The following ABCD3 variants were observed in gnomAD, a reference collection of about 807,000 sequenced individuals.
ABCD3 encodes the protein ATP binding cassette subfamily D member 3, also known as ATP-binding cassette sub-family D member 3.
A neutral mutation model predicts 105.5 loss-of-function variants in ABCD3; 41 were observed. The observed-to-expected ratio is 0.39, with a 90% CI of 0.30 to 0.50. The LOEUF is 0.50. ABCD3 is among the 20% of genes least tolerant of loss of function. The pLI is 0.84. For synonymous variants in ABCD3, 258 were observed against 269.0 expected (o/e 0.96, Z 0.40); for missense variants, 622 against 806.3 (o/e 0.77, Z 2.77).
chr1:94,510,339 A>C (rs1298930830), intron 21 of ABCD3, among the ~76,000 whole-genome samples: 1 of 152,088 alleles, frequency 6.6e-6, no homozygotes, highest in Admixed American at 6.6e-5. Context: ...GTTTGATTGC[A>C]CTGTGGTCTG....
chr1:94,415,485 C>T (rs1464223384), upstream of ABCD3, among the ~76,000 whole-genome samples: 1 of 152,148 alleles, frequency 6.6e-6, no homozygotes, highest in Non-Finnish European at 1.5e-5. Context: ...TATCAAAGGA[C>T]ATAGTGCTGA....
At chr1:94,418,688 G>A in intron 1 of ABCD3, 100 bp downstream of exon 1, 1 of 1,320,494 alleles carries the variant, frequency 7.6e-7, no homozygotes, top group Non-Finnish European at 1.0e-6. Flanking sequence ...TGCCCGACGG[G>A]GTCGGGCGGA....
chr1:94,513,367 A>G (rs1250830626), intron 21 of ABCD3: 1 of 152,068 alleles, frequency 6.6e-6, no homozygotes, highest in Admixed American at 6.6e-5. Context: ...AAGTCCCCAC[A>G]TAAGACTGTA....
At chr1:94,473,519 A>G (rs975085145) in intron 4 of ABCD3, among the ~76,000 whole-genome samples, 2 of 152,126 alleles carry the variant, frequency 1.3e-5, no homozygotes, top group Non-Finnish European at 2.9e-5. Context: ...CATTTTTACT[A>G]AGAAATAATT....
At chr1:94,423,145 A>G (rs77604519) in intron 1 of ABCD3, among the ~76,000 whole-genome samples, 5 of 152,204 alleles carry the variant, frequency 3.3e-5, no homozygotes, top group Admixed American at 6.5e-5. Flanking sequence ...ATATCTTTCT[A>G]TGATATCCCT....
At chr1:94,510,849 T>C (rs1360425068) in intron 21 of ABCD3, among the ~76,000 whole-genome samples, 1 of 152,124 alleles carries the variant, frequency 6.6e-6, no homozygotes, top group Admixed American at 6.6e-5. Context: ...GCTTGGTAGA[T>C]CTTCCTCCAT....
At position 94,434,856 on chromosome 1, in the gene ABCD3, CTTT is replaced by C. The variant is rs1167496946; in HGVS notation, c.110+16269_110+16271del. ...ACATGGCCCTTCCCAGTCACAGCCC[CTTT>C]CCTCTCACCTAAAAGTAATTGCTAT... On this transcript the variant is annotated intron_variant, in intron 1 of 22. Transcript: ENST00000370214. 2.5e-4 allele frequency among the ~76,000 whole-genome samples: 38 copies of C among 152,308 alleles called. No individual in the cohort carries two copies. The East Asian group carries it at 7.3e-3, about 29-fold the overall frequency.
intron 1 of ABCD3, among the ~76,000 whole-genome samples, chr1:94,426,135 T>C (rs1227933937): frequency 6.6e-6 from 1 of 152,214 alleles, no homozygotes; most frequent in Non-Finnish European, 1.5e-5. Context: ...CGAGCCTTCC[T>C]AATTTCCTCA....
intron 2 of ABCD3, among the ~76,000 whole-genome samples, chr1:94,463,654 A>G (rs1647989907): frequency 6.6e-6 from 1 of 152,154 alleles, no homozygotes; most frequent in Non-Finnish European, 1.5e-5. Context: ...CTGTCCTTCC[A>G]AACAGTCCAA....
Position 94,482,637 on chromosome 1 carries a change from C to G in ABCD3, c.828-533C>G, listed in dbSNP as rs151152596. On this transcript the variant is annotated intron_variant, in intron 9 of 22. Transcript: ENST00000370214. ...GACCCATGCACATCTGCTCAGGAAACGTGGAATTGTTGTGAGGATATGATG... is the reference window on the plus strand; with the variant it reads ...GACCCATGCACATCTGCTCAGGAAAGGTGGAATTGTTGTGAGGATATGATG... The G allele has an allele frequency of 2.2e-3, 353 of 157,328 alleles. 3 individuals carry two copies. The highest frequency in any genetic ancestry group is 7.8e-3 in the African/African-American group (326 of 41,566). The allele number at this position is 157,328 out of a possible 1,614,324, so 9.7% of individuals were successfully genotyped here. A position where few individuals can be genotyped will look rare whatever the true frequency, so the allele number is the denominator to read the frequency against.
the ABCD3 span, among the ~76,000 whole-genome samples, chr1:94,386,565 C>A: frequency 6.6e-6 from 1 of 152,198 alleles, no homozygotes; most frequent in African/African-American, 2.4e-5. Context: ...AGATACATAA[C>A]AATATCACAA....
intron 21 of ABCD3, among the ~76,000 whole-genome samples, chr1:94,513,060 G>A (rs1189598954): frequency 1.3e-5 from 2 of 151,940 alleles, no homozygotes; most frequent in African/African-American, 2.4e-5. Context: ...ATTCAAATGC[G>A]CATTAAAGTT....
chr1:94,418,359 T>C, upstream of ABCD3: 1 of 866,878 alleles, frequency 1.2e-6, no homozygotes, highest in Non-Finnish European at 1.8e-6. Flanking sequence ...GGGGCGGTCC[T>C]GCGCGGCCGG....
At chr1:94,438,784 T>G (rs1377729162) in intron 1 of ABCD3, among the ~76,000 whole-genome samples, 1 of 152,224 alleles carries the variant, frequency 6.6e-6, no homozygotes, top group East Asian at 1.9e-4. Flanking sequence ...CATTGATTTT[T>G]TTTTTAGACG....
the ABCD3 span, among the ~76,000 whole-genome samples, chr1:94,393,098 T>A: frequency 6.6e-6 from 1 of 151,012 alleles, no homozygotes; most frequent in African/African-American, 2.4e-5. Flanking sequence ...AGATCGAGAC[T>A]CCATCTCAAA....
At chr1:94,403,928 C>G in the ABCD3 span, among the ~76,000 whole-genome samples, 2 of 152,134 alleles carry the variant, frequency 1.3e-5, no homozygotes, top group African/African-American at 4.8e-5. Context: ...TCATTGCTAC[C>G]AGACTTTGTT....
chr1:94,396,689 CAT>C, the ABCD3 span, among the ~76,000 whole-genome samples: 1 of 152,056 alleles, frequency 6.6e-6, no homozygotes, highest in African/African-American at 2.4e-5. Context: ...ATAAATATAA[CAT>C]TAAGTATTTC....
chr1:94,402,819 ATACTT>A, the ABCD3 span, among the ~76,000 whole-genome samples: 24 of 151,272 alleles, frequency 1.6e-4, no homozygotes, highest in African/African-American at 5.1e-4. Context: ...TTTTATTACT[ATACTT>A]TAAGTTTTAG....
chr1:94,491,561 T>C (rs538028159), intron 16 of ABCD3, among the ~76,000 whole-genome samples: 6 of 152,112 alleles, frequency 3.9e-5, no homozygotes, highest in Non-Finnish European at 8.8e-5. Context: ...TTTAGTCTCT[T>C]TACATTAAAA....
Sources: allele counts gnomAD v4.1 joint callset (sites outside exome capture counted in the v4.1 genomes callset), GRCh38; gene constraint gnomAD v4.1.1; transcripts MANE v1.5; gene names NCBI Gene and HGNC (gene_info 2026-07-23, HGNC 2026-07-21).